The following FAF1 variants were observed in gnomAD, a reference collection of about 807,000 sequenced individuals.
FAF1 encodes the protein Fas associated factor 1.
Under a neutral mutation model 92.5 loss-of-function variants are expected in FAF1, and 25 were observed. The observed-to-expected ratio is 0.27, with a 90% confidence interval of 0.20 to 0.38. The LOEUF is 0.38. Ranked by LOEUF, FAF1 falls within the 10% of genes least tolerant of loss-of-function variation. The probability of loss-of-function intolerance (pLI) is 1.00; values close to 1 mark genes in which losing one functional copy is unlikely to be tolerated. For missense variants in FAF1, 636 were observed against 793.3 expected (o/e 0.80, Z 2.38); for synonymous variants, 234 against 273.2 (o/e 0.86, Z 1.42).
chr1:50,677,496 A>C (rs1387798332), intron 7 of FAF1, among the ~76,000 whole-genome samples: 1 of 152,220 alleles, frequency 6.6e-6, no homozygotes, highest in Non-Finnish European at 1.5e-5. Context: ...GTATTTCTTT[A>C]GTAATTAAAA....
chr1:50,765,198 G>T (rs1286403907), intron 4 of FAF1, among the ~76,000 whole-genome samples: 2 of 152,162 alleles, frequency 1.3e-5, no homozygotes, highest in African/African-American at 2.4e-5. Context: ...GCCCAGGAGA[G>T]AAATAATTAG....
rs767371264 is a variant in FAF1 at position 50,490,680 on chromosome 1, G to A, written c.1576-15C>T. 6.5e-7 allele frequency: 1 copy of A among 1,546,132 alleles called. No homozygotes were observed. The highest frequency in any genetic ancestry group is 1.7e-5 in the Admixed American group (1 of 59,878). On this transcript the variant is annotated splice_polypyrimidine_tract_variant and intron_variant, in intron 16 of 18. Coordinates refer to ENST00000396153, the MANE Select transcript of FAF1 (RefSeq NM_007051.3). ...TGAGCTTCCCTCTGTTGATAAAACA[G>A]AAAAGGAACAAGCACTTAACACATA... is the stretch of plus-strand genomic sequence containing the variant.
chr1:50,488,456 G>A (rs3789577), intron 17 of FAF1, among the ~76,000 whole-genome samples: 10,417 of 152,182 alleles, frequency 0.068, 442 homozygotes, highest in East Asian at 0.093. Context: ...TATGGTTGAC[G>A]ATACACTAAT....
At chr1:50,621,227 A>C (rs934601435) in intron 8 of FAF1, among the ~76,000 whole-genome samples, 5 of 152,012 alleles carry the variant, frequency 3.3e-5, no homozygotes, top group Non-Finnish European at 5.9e-5. Flanking sequence ...CACTGGGAAA[A>C]TACTCAGGTG....
intron 6 of FAF1, among the ~76,000 whole-genome samples, chr1:50,715,417 CACAG>C (rs941672665): frequency 6.6e-6 from 1 of 151,924 alleles, no homozygotes; most frequent in African/African-American, 2.4e-5. Flanking sequence ...GCCTGGGCAA[CACAG>C]AAAGGTCCTG....
intron 1 of FAF1, among the ~76,000 whole-genome samples, chr1:50,884,903 G>C (rs1449626265): frequency 6.6e-6 from 1 of 152,088 alleles, no homozygotes; most frequent in African/African-American, 2.4e-5. Context: ...TGAGTCCCAG[G>C]CTTTTCTTTG....
intron 18 of FAF1, among the ~76,000 whole-genome samples, chr1:50,474,723 A>G (rs1164725973): frequency 6.6e-6 from 1 of 152,184 alleles, no homozygotes; most frequent in Non-Finnish European, 1.5e-5. Flanking sequence ...ATTTTGTGTA[A>G]GTTTCAGTAT....
intron 15 of FAF1, among the ~76,000 whole-genome samples, chr1:50,514,836 G>A (rs962250143): frequency 3.9e-5 from 6 of 152,158 alleles, no homozygotes; most frequent in Non-Finnish European, 8.8e-5. Context: ...TGGCTAACTA[G>A]TGAGAGTTTA....
chr1:50,749,628 A>T (rs1249292621), intron 4 of FAF1, among the ~76,000 whole-genome samples: 1 of 152,132 alleles, frequency 6.6e-6, no homozygotes, highest in Non-Finnish European at 1.5e-5. Context: ...ACTGCAAAAA[A>T]TTTTTAATAA....
intron 1 of FAF1, among the ~76,000 whole-genome samples, chr1:50,920,902 A>G (rs1182696743): frequency 6.6e-6 from 1 of 152,170 alleles, no homozygotes; most frequent in Non-Finnish European, 1.5e-5. Flanking sequence ...TTCAACCTCT[A>G]TTGTACTAGA....
At chr1:50,478,166 C>CT (rs1287733132) in intron 17 of FAF1, among the ~76,000 whole-genome samples, 2,446 of 139,412 alleles carry the variant, frequency 0.018, 53 homozygotes, top group African/African-American at 0.05. Context: ...AGTGGTGGTT[C>CT]TTTTTTTTTT....
chr1:50,913,029 T>C (rs1489798313), intron 1 of FAF1, among the ~76,000 whole-genome samples: 1 of 152,218 alleles, frequency 6.6e-6, no homozygotes, highest in African/African-American at 2.4e-5. Context: ...CTTAAACATT[T>C]TGGTGCTGCA....
intron 1 of FAF1, among the ~76,000 whole-genome samples, chr1:50,878,637 A>T (rs1644588631): frequency 6.6e-6 from 1 of 152,218 alleles, no homozygotes; most frequent in African/African-American, 2.4e-5. Context: ...GTTATTTATG[A>T]TGAGCCAAGC....
intron 2 of FAF1, among the ~76,000 whole-genome samples, chr1:50,819,764 CGTATATATATATACATATATATACAT>C (rs1557543601): frequency 0.03 from 505 of 16,688 alleles, 34 homozygotes; most frequent in African/African-American, 0.091. Context: ...TATATATATA[CGTATATATATATACATATATATACAT>C]ATATATATAT....
chr1:50,485,115 A>AATT (rs763755826), intron 17 of FAF1, among the ~76,000 whole-genome samples: 27 of 151,074 alleles, frequency 1.8e-4, no homozygotes, highest in African/African-American at 5.1e-4. Context: ...AAAAAAAAGA[A>AATT]ATTATTATTA....
chr1:50,828,491 G>A (rs992845541), intron 2 of FAF1, among the ~76,000 whole-genome samples: 12 of 151,926 alleles, frequency 7.9e-5, no homozygotes, highest in East Asian at 3.9e-4. Flanking sequence ...GGATGTTTTC[G>A]ATCTCCTGAC....
At chr1:50,844,865 T>A (rs564874266) in intron 2 of FAF1, among the ~76,000 whole-genome samples, 1 of 152,146 alleles carries the variant, frequency 6.6e-6, no homozygotes, top group Admixed American at 6.5e-5. Flanking sequence ...CTGAGCAAGA[T>A]AAATGTTTGA....
At chr1:50,906,472 T>C (rs1644839917) in intron 1 of FAF1, among the ~76,000 whole-genome samples, 4 of 152,336 alleles carry the variant, frequency 2.6e-5, no homozygotes, top group Admixed American at 2.6e-4. Flanking sequence ...TCTTGGGCAG[T>C]ATGGCCATTT....
intron 7 of FAF1, among the ~76,000 whole-genome samples, chr1:50,698,339 G>T (rs1406659748): frequency 1.3e-5 from 2 of 152,052 alleles, no homozygotes; most frequent in African/African-American, 2.4e-5. Context: ...CCTTGTCTCT[G>T]GCATTCAGGA....
Sources: allele counts gnomAD v4.1 joint callset (sites outside exome capture counted in the v4.1 genomes callset), GRCh38; gene constraint gnomAD v4.1.1; transcripts MANE v1.5; gene names NCBI Gene and HGNC (gene_info 2026-07-23, HGNC 2026-07-21).